The following LY75 variants were observed in gnomAD, a reference collection of about 807,000 sequenced individuals.
The protein encoded by LY75 is lymphocyte antigen 75, also known as C-type lectin domain family 13 member B.
Under a neutral mutation model 231.7 loss-of-function variants are expected in LY75, and 185 were observed. The observed-to-expected ratio is 0.80, with a 90% CI of 0.71 to 0.90. LY75 has a LOEUF of 0.90. LY75 is among the 40% of genes least tolerant of loss of function. LY75 has a pLI of 0.00. For synonymous variants in LY75, 668 were observed against 689.0 expected (o/e 0.97, Z 0.48); for missense variants, 1,947 against 2,050.2 (o/e 0.95, Z 0.97).
At chr2:159,816,431 G>A (rs1227179998) in intron 30 of LY75, among the ~76,000 whole-genome samples, 1 of 152,188 alleles carries the variant, frequency 6.6e-6, no homozygotes, top group African/African-American at 2.4e-5. Flanking sequence ...GAGGAAATAA[G>A]GTTGCAAAGG....
chr2:159,881,701 A>G (rs572592816), intron 7 of LY75, among the ~76,000 whole-genome samples: 1 of 152,196 alleles, frequency 6.6e-6, no homozygotes, highest in East Asian at 1.9e-4. Flanking sequence ...CGTCTAGTAT[A>G]TTTTCCTTTA....
Position 159,842,332 on chromosome 2 carries a change from T to C in LY75, c.3193A>G (p.Asn1065Asp). The C allele has an allele frequency of 6.2e-7, 1 of 1,612,568 alleles. No individual in the cohort carries two copies. Among genetic ancestry groups the C allele is most frequent in the Non-Finnish European group, 8.5e-7 (1 of 1,178,970 alleles). Reference protein sequence around the residue: ...ESRYHCALILNLQKSPFTGTW... With the variant: ...ESRYHCALILDLQKSPFTGTW... Reference sequence around the variant, plus strand: ...CCAGTAAACGGTGATTTTTGGAGGTTGAGTATTAGGGCACAGTGGTAGCGA... The same window carrying C: ...CCAGTAAACGGTGATTTTTGGAGGTCGAGTATTAGGGCACAGTGGTAGCGA... Residue 1065 changes from asparagine (N) to aspartate (D), a missense_variant, in exon 24 of 35, where the codon AAC (asparagine) becomes GAC (aspartate). By Grantham distance (23) the Asn-to-Asp change is conservative. Coordinates refer to ENST00000263636, the MANE Select transcript of LY75 (RefSeq NM_002349.4).
rs903081897 is a variant in LY75 at position 159,804,869 on chromosome 2, A to G, written c.*175T>C. On this transcript the variant is annotated 3_prime_UTR_variant, in exon 35 of 35. Coordinates refer to ENST00000263636, the MANE Select transcript of LY75 (RefSeq NM_002349.4). ...TCCATTCTATTAATTAGGGTGATAA[A>G]CATGGCATTTAGCAGGGAATTAACT... The G allele has an allele frequency of 1.9e-6, 1 of 521,996 alleles. No homozygotes were observed. Among genetic ancestry groups the G allele is most frequent in the East Asian group, 3.3e-5 (1 of 30,596 alleles). 32.3% of individuals were successfully genotyped at this position (521,996 alleles called of 1,614,324 possible).
chr2:159,882,401 T>C (rs923621812), intron 6 of LY75, 86 bp from the exon 7 acceptor site: 3 of 1,520,708 alleles, frequency 2.0e-6, no homozygotes, highest in Non-Finnish European at 2.6e-6. Context: ...TCTTGAATAA[T>C]GAGAGTCCTG....
chr2:159,888,072 G>C (rs1428352753), intron 4 of LY75, among the ~76,000 whole-genome samples: 1 of 152,080 alleles, frequency 6.6e-6, no homozygotes, highest in Non-Finnish European at 1.5e-5. Flanking sequence ...CTAAAGATCT[G>C]AATATTCAAG....
chr2:159,850,951 G>A (rs1379507478), intron 21 of LY75, among the ~76,000 whole-genome samples: 3 of 150,292 alleles, frequency 2.0e-5, no homozygotes, highest in Admixed American at 6.6e-5. Context: ...TCTCACAATG[G>A]AGACAGAAAC....
intron 2 of LY75, among the ~76,000 whole-genome samples, chr2:159,895,062 G>A (rs1685873061): frequency 6.6e-6 from 1 of 152,154 alleles, no homozygotes; most frequent in South Asian, 2.1e-4. Flanking sequence ...CAGGCAATTA[G>A]GGTTCCTCCA....
At chr2:159,879,797 C>A (rs557212223) in intron 8 of LY75, among the ~76,000 whole-genome samples, 3 of 152,272 alleles carry the variant, frequency 2.0e-5, no homozygotes, top group African/African-American at 7.2e-5. Flanking sequence ...GCTAAAATAG[C>A]TATTCTCCAT....
Position 159,804,474 on chromosome 2 carries a change from C to T in LY75, c.*570G>A, listed in dbSNP as rs1682738769. 2 of 152,790 alleles carry T rather than the reference C, an allele frequency of 1.3e-5. No homozygotes were observed. Among genetic ancestry groups the T allele is most frequent in the Non-Finnish European group, 1.5e-5 (1 of 68,142 alleles). 9.5% of individuals were successfully genotyped at this position (152,790 alleles called of 1,614,324 possible). On this transcript the variant is annotated 3_prime_UTR_variant, in exon 35 of 35. Coordinates refer to ENST00000263636, the MANE Select transcript of LY75 (RefSeq NM_002349.4). ...AGATTTGCAGTGAGCCGAGATCACG[C>T]CATTGTACTCCAGCCTGGGCAACAG...
At chr2:159,860,717 ACAT>A (rs1052751862) in intron 15 of LY75, 101 bp downstream of exon 15, 2 of 1,384,610 alleles carry the variant, frequency 1.4e-6, no homozygotes, top group Non-Finnish European at 1.0e-6. Context: ...ACTGCATCTA[ACAT>A]CATGCTTCAC....
chr2:159,825,392 C>T (rs1194252307), intron 28 of LY75, among the ~76,000 whole-genome samples: 1 of 152,180 alleles, frequency 6.6e-6, no homozygotes, highest in Non-Finnish European at 1.5e-5. Context: ...CATACACCCT[C>T]CCAAGTCTAA....
Position 159,881,252 on chromosome 2 carries a change from A to C in LY75, c.1247-12T>G, listed in dbSNP as rs1276909227. The C allele has an allele frequency of 6.2e-7, 1 of 1,606,912 alleles. No homozygotes were observed. Among genetic ancestry groups the C allele is most frequent in the Admixed American group, 1.7e-5 (1 of 59,050 alleles). ...TTCTTCTTTGATATCTAAAAGAAAA[A>C]TGTATTATTTGTTTGGTTTTGCTCA... On this transcript the variant is annotated splice_polypyrimidine_tract_variant and intron_variant, in intron 7 of 34. Coordinates refer to ENST00000263636, the MANE Select transcript of LY75 (RefSeq NM_002349.4).
chr2:159,900,233 C>T (rs1686034389), intron 1 of LY75, among the ~76,000 whole-genome samples: 1 of 152,172 alleles, frequency 6.6e-6, no homozygotes, highest in Non-Finnish European at 1.5e-5. Flanking sequence ...AATGGGAGCT[C>T]AGCATCAAAT....
rs936126416 is a variant in LY75 at position 159,862,332 on chromosome 2, A to C, written c.2200-1443T>G. Among the ~76,000 whole-genome samples the C allele has an allele frequency of 2.7e-5, 4 of 150,600 alleles. No homozygotes were observed. The South Asian group carries it at 6.3e-4, about 24-fold the overall frequency. On this transcript the variant is annotated intron_variant, in intron 14 of 34. Transcript: ENST00000263636. ...AAATTAGCCGGGCGTGATGGCATGC[A>C]TCTGTGGTCTCAGCTACTGGGGAGG...
chr2:159,866,555 G>A (rs1331473121), intron 13 of LY75, among the ~76,000 whole-genome samples: 1 of 152,116 alleles, frequency 6.6e-6, no homozygotes, highest in Non-Finnish European at 1.5e-5. Context: ...AGAGGAATTT[G>A]CAGTTTATGC....
At chr2:159,857,993 C>T (rs1684595338) in intron 16 of LY75, among the ~76,000 whole-genome samples, 2 of 152,038 alleles carry the variant, frequency 1.3e-5, no homozygotes, top group Non-Finnish European at 2.9e-5. Flanking sequence ...TTGACTTCTG[C>T]CTTATTCTTC....
chr2:159,864,813 C>T, intron 14 of LY75, 26 bp downstream of exon 14: 1 of 1,552,702 alleles, frequency 6.4e-7, no homozygotes, highest in Non-Finnish European at 8.7e-7. Flanking sequence ...TTCCATACTA[C>T]CTAAAACAAT....
intron 3 of LY75, among the ~76,000 whole-genome samples, chr2:159,890,834 C>G (rs1284234038): frequency 6.6e-6 from 1 of 151,938 alleles, no homozygotes; most frequent in African/African-American, 2.4e-5. Context: ...GATATTGAGC[C>G]CAAGTGACTA....
intron 27 of LY75, 130 bp downstream of exon 27, chr2:159,833,914 T>C (rs569883257): frequency 2.0e-4 from 205 of 1,025,494 alleles, no homozygotes; most frequent in Non-Finnish European, 2.7e-4. Context: ...TCCTTTGCCT[T>C]CTGCCATGAT....
Sources: gnomAD v4.1 joint callset for allele counts (sites outside exome capture counted in the v4.1 genomes callset) on GRCh38, gnomAD v4.1.1 for gene constraint, MANE v1.5 for transcripts, NCBI Gene and HGNC (gene_info 2026-07-23, HGNC 2026-07-21) for gene names.